COL4A3: variants seen among roughly 807,000 people sequenced by gnomAD.
The protein encoded by COL4A3 is collagen type IV alpha 3 chain.
COL4A3 carries 135 observed loss-of-function variants against 217.4 expected under a neutral mutation model. The ratio of observed to expected loss-of-function variants is 0.62; its 90% CI spans 0.54 to 0.72. The LOEUF (loss-of-function observed/expected upper bound fraction) is 0.72, where lower values mean the gene tolerates loss of function less well. COL4A3 is among the 30% of genes least tolerant of loss of function. COL4A3 has a pLI of 0.00. For missense variants in COL4A3, 1,868 were observed against 2,119.9 expected (o/e 0.88, Z 2.33); for synonymous variants, 690 against 736.3 (o/e 0.94, Z 1.02).
chr2:227,310,786 C>T lies in COL4A3; in HGVS notation c.4766C>T (p.Ala1589Val). ...TTAAAATTGTGGTAGTTCACAAGTG[C>T]AGGTTCTGAGGGCACCGGGCAAGCA... ...KGFSFIMFTS[A>V]GSEGTGQALA... Residue 1589 changes from alanine to valine, a missense_variant, in exon 51 of 52, where the codon GCA becomes GTA. By Grantham distance (64) the Ala-to-Val change is moderately conservative. Transcript: ENST00000396578. 1 of 1,613,952 alleles carries T rather than the reference C, an allele frequency of 6.2e-7. No homozygotes were observed. The highest frequency in any genetic ancestry group is 8.5e-7 in the Non-Finnish European group (1 of 1,179,872).
intron 1 of COL4A3, among the ~76,000 whole-genome samples, chr2:227,212,204 T>C (rs1032267168): frequency 2.3e-5 from 3 of 130,258 alleles, no homozygotes; most frequent in African/African-American, 7.5e-5. Flanking sequence ...GCACTAATTC[T>C]TTGTTATAGA....
At chr2:227,265,159 T>C (rs533643113) in intron 21 of COL4A3, 1 of 152,348 alleles carries the variant, frequency 6.6e-6, no homozygotes, top group South Asian at 2.1e-4. Context: ...AGATATTTTT[T>C]GAATTAAGCA....
rs1340557607 is a variant in COL4A3 at position 227,250,379 on chromosome 2, GA to G, written c.547-760del. Among the ~76,000 whole-genome samples the G allele has an allele frequency of 7.5e-6, 1 of 133,488 alleles. No individual in the cohort carries two copies. The highest frequency in any genetic ancestry group is 1.7e-5 in the Non-Finnish European group (1 of 59,198). 87.6% of individuals were successfully genotyped at this position (133,488 alleles called of 152,430 possible). A position where few individuals can be genotyped will look rare whatever the true frequency, so the allele number is the denominator to read the frequency against. ...AGATAGATAGATAGATAGATAGATA[GA>G]TAGATATTTAAAAATTGTATGAACC... is the stretch of plus-strand genomic sequence containing the variant. On this transcript the variant is annotated intron_variant, in intron 9 of 51. Transcript: ENST00000396578. The surrounding 1 kb of genome is among the most constrained non-coding windows in gnomAD (Gnocchi z 4.1).
intron 1 of COL4A3, among the ~76,000 whole-genome samples, chr2:227,196,491 G>GT (rs34933175): frequency 0.7 from 105,099 of 150,792 alleles, 36,831 homozygotes; most frequent in East Asian, 0.75. Context: ...CTAATTTTTT[G>GT]TATTTTTAGT....
rs751021793 is a variant in COL4A3 at position 227,311,864 on chromosome 2, AC to A, written c.5008del (p.His1670ThrfsTer31). On this transcript the variant is annotated frameshift_variant, in exon 52 of 52. Coordinates refer to ENST00000396578, the MANE Select transcript of COL4A3 (RefSeq NM_000091.5). LOFTEE classifies it high-confidence loss of function. The part of the protein sequence containing the change: ...SRCQVCMKKR[H>X] ...GCTGTCAGGTGTGCATGAAGAAAAG[AC>A]ACTGAAGCTAAAAAAGACAGCAGAA... 8 of 1,613,702 alleles carry A rather than the reference AC, an allele frequency of 5.0e-6. No homozygotes were observed. In the South Asian group the frequency reaches 8.8e-5, roughly 18 times the overall value.
At chr2:227,259,642 C>G in intron 18 of COL4A3, 151 bp from the exon 19 acceptor site, 1 of 628,550 alleles carries the variant, frequency 1.6e-6, no homozygotes. Context: ...ATTTACATGA[C>G]TATCATATAC....
chr2:227,231,017 A>G (rs2068373778), intron 1 of COL4A3, among the ~76,000 whole-genome samples: 4 of 152,220 alleles, frequency 2.6e-5, no homozygotes. Flanking sequence ...CACCTTGCCA[A>G]TTTAACTGAG....
chr2:227,298,687 C>T lies in COL4A3; in HGVS notation c.3757C>T (p.Pro1253Ser). 6.2e-7 allele frequency: 1 copy of T among 1,613,978 alleles called. No individual in the cohort carries two copies. The change falls in exon 43 of 52, where the codon CCT becomes TCT. Residue 1253 changes from proline (P) to serine (S), a missense_variant. Pro to Ser is a moderately conservative substitution (Grantham distance 74). This residue lies in a region of COL4A3 where 1,503 missense variants were observed against 1,786.1 expected (regional missense o/e 0.84). Coordinates refer to ENST00000396578, the MANE Select transcript of COL4A3 (RefSeq NM_000091.5). ...CAGACTTTTCATGAATTCAGGTGCG[C>T]CTGGTCCCCCTGGACCTCCAGGGAG... ...PPGSRGSPGA[P>S]GPPGPPGSHV...
intron 18 of COL4A3, 51 bp from the exon 19 acceptor site, chr2:227,259,742 C>A (rs1559875277): frequency 1.6e-6 from 2 of 1,288,650 alleles, no homozygotes; most frequent in African/African-American, 2.9e-5. Context: ...GTTTGGTGAG[C>A]TGTCCATAAA....
chr2:227,270,859 C>T lies in COL4A3; in HGVS notation c.1665C>T (p.Asp555=). ...QPEGQVGVPG[D]PGLRGQPGRK... ...AGGGGCAAGTGGGTGTCCCAGGTGA[C>T]CCGGGGCTCAGAGGCCAACCTGGGA... Residue 555 remains aspartate (D), a synonymous_variant, in exon 25 of 52, where the codon GAC becomes GAT. Transcript: ENST00000396578. 1 of 1,614,128 alleles carries T rather than the reference C, an allele frequency of 6.2e-7. No homozygotes were observed. The highest frequency in any genetic ancestry group is 8.5e-7 in the Non-Finnish European group (1 of 1,179,996).
chr2:227,164,886 C>T lies in COL4A3; in HGVS notation c.87+73C>T, dbSNP rs1403500084. 3 of 1,394,808 alleles carry T rather than the reference C, an allele frequency of 2.2e-6. No homozygotes were observed. Among genetic ancestry groups the T allele is most frequent in the East Asian group, 2.9e-5 (1 of 34,838 alleles). 86.4% of individuals were successfully genotyped at this position (1,394,808 alleles called of 1,614,324 possible). On this transcript the variant is annotated intron_variant, in intron 1 of 51. Transcript: ENST00000396578. This position sits in a 1 kb window ranked among gnomAD's most constrained non-coding sequence, Gnocchi z 4.8. ...CCACGCGTCCGGGGGACGCGCTGGC[C>T]CCACCCGCAGCGGCGCGGTAGTGGA...
chr2:227,308,424 G>A (rs2073602664), intron 48 of COL4A3, among the ~76,000 whole-genome samples: 1 of 152,100 alleles, frequency 6.6e-6, no homozygotes, highest in Non-Finnish European at 1.5e-5. Flanking sequence ...ATGCTGTCAA[G>A]GTTTCTCTCA....
chr2:227,296,622 C>G lies in COL4A3; in HGVS notation c.3566-1052C>G, dbSNP rs545438161. Reference sequence around the variant, plus strand: ...TTTTAATGAACATGAAATATATAATCCAAGCCATCTTGGTACTTCAGGTCA... The same window carrying G: ...TTTTAATGAACATGAAATATATAATGCAAGCCATCTTGGTACTTCAGGTCA... On this transcript the variant is annotated intron_variant, in intron 41 of 51. Transcript: ENST00000396578. 1.2e-5 allele frequency: 6 copies of G among 521,640 alleles called. No individual in the cohort carries two copies. The South Asian group carries it at 5.0e-4, about 44-fold the overall frequency. The allele number at this position is 521,640 out of a possible 1,614,324, so 32.3% of individuals were successfully genotyped here.
At chr2:227,244,023 T>C (rs552453521) in intron 3 of COL4A3, among the ~76,000 whole-genome samples, 2 of 152,268 alleles carry the variant, frequency 1.3e-5, no homozygotes, top group South Asian at 4.1e-4. Context: ...CGGTCAATAG[T>C]CTGGGAGGTG....
Position 227,256,006 on chromosome 2 carries a change from T to C in COL4A3, c.889-20T>C. Reference sequence around the variant, plus strand: ...GCCATATTTATTACATTTCATGTTTTTGATTTGTTTTTGCTGTAGGGAAAA... The same window carrying C: ...GCCATATTTATTACATTTCATGTTTCTGATTTGTTTTTGCTGTAGGGAAAA... On this transcript the variant is annotated intron_variant, in intron 15 of 51. Coordinates refer to ENST00000396578, the MANE Select transcript of COL4A3 (RefSeq NM_000091.5). 6.2e-7 allele frequency: 1 copy of C among 1,613,024 alleles called. No individual in the cohort carries two copies. The highest frequency in any genetic ancestry group is 8.5e-7 in the Non-Finnish European group (1 of 1,179,066).
intron 1 of COL4A3, among the ~76,000 whole-genome samples, chr2:227,206,722 G>A (rs532857630): frequency 4.2e-4 from 64 of 152,322 alleles, no homozygotes; most frequent in African/African-American, 1.2e-3. Flanking sequence ...TTGTATGCAC[G>A]TGGAGGTTGG....
rs76537210 is a variant in COL4A3, at chr2:227,216,959, G to C, written c.88-21009G>C. On this transcript the variant is annotated intron_variant, in intron 1 of 51. Transcript: ENST00000396578. ...AAATCCTGTGTCCAAATGGTATCCT[G>C]TTTAATAATTGTATATGATTTAGTG... 3.9e-3 allele frequency among the ~76,000 whole-genome samples: 599 copies of C among 152,246 alleles called. 2 individuals carry two copies. The highest frequency in any genetic ancestry group is 0.014 in the African/African-American group (579 of 41,562).
At chr2:227,258,980 A>G (rs1014492084) in intron 18 of COL4A3, among the ~76,000 whole-genome samples, 8 of 151,636 alleles carry the variant, frequency 5.3e-5, no homozygotes, top group African/African-American at 1.9e-4. Flanking sequence ...TAATTGATCC[A>G]TCTAGCATAT....
intron 33 of COL4A3, 31 bp from the exon 34 acceptor site, chr2:227,284,180 A>C: frequency 6.2e-7 from 1 of 1,613,850 alleles, no homozygotes; most frequent in Non-Finnish European, 8.5e-7. Flanking sequence ...TGAAGAATTA[A>C]GGACCTGATG....
Sources: gnomAD v4.1 joint callset for allele counts (sites outside exome capture counted in the v4.1 genomes callset) on GRCh38, gnomAD v4.1.1 for gene constraint, gnomAD v4.1.1 regional missense constraint, Gnocchi (gnomAD v3.1) non-coding constraint, MANE v1.5 for transcripts, NCBI Gene and HGNC (gene_info 2026-07-23, HGNC 2026-07-21) for gene names.